PTPRD: variants seen among roughly 807,000 people sequenced by gnomAD.
PTPRD encodes protein tyrosine phosphatase receptor type D.
A neutral mutation model predicts 214.5 loss-of-function variants in PTPRD; 34 were observed. The ratio of observed to expected loss-of-function variants is 0.16; its 90% CI spans 0.12 to 0.21. The LOEUF (loss-of-function observed/expected upper bound fraction) is 0.21, where lower values mean the gene tolerates loss of function less well. Ranked by LOEUF, PTPRD falls within the 10% of genes least tolerant of loss-of-function variation. The probability of loss-of-function intolerance (pLI) is 1.00; values close to 1 mark genes in which losing one functional copy is unlikely to be tolerated. For synonymous variants in PTPRD, 1,128 were observed against 845.7 expected, an observed-to-expected ratio of 1.33 and a Z score of -5.79; for missense variants, 2,545 against 2,398.7, an observed-to-expected ratio of 1.06 and a Z score of -1.27.
intron 2 of PTPRD, among the ~76,000 whole-genome samples, chr9:10,505,856 C>A (rs2045773735): frequency 9.0e-6 from 1 of 110,766 alleles, no homozygotes; most frequent in Non-Finnish European, 1.9e-5. Flanking sequence ...AACACTTTAA[C>A]TTAAATTTTA....
intron 3 of PTPRD, among the ~76,000 whole-genome samples, chr9:10,118,325 T>G (rs1430641586): frequency 2.0e-5 from 3 of 151,580 alleles, no homozygotes; most frequent in African/African-American, 7.2e-5. Flanking sequence ...TGTCTATATA[T>G]TTAATATATT....
chr9:9,094,878 A>G (rs1047425857), intron 10 of PTPRD, among the ~76,000 whole-genome samples: 5 of 152,182 alleles, frequency 3.3e-5, no homozygotes, highest in Admixed American at 3.3e-4. Context: ...ACAGGAAAAT[A>G]AATCTTTAAA....
chr9:9,378,644 A>G (rs78447574), intron 9 of PTPRD, among the ~76,000 whole-genome samples: 3,971 of 152,208 alleles, frequency 0.026, 192 homozygotes, highest in African/African-American at 0.09. Context: ...AATGAAGCAG[A>G]ATTCCTCTTG....
At chr9:10,288,710 G>C (rs1422716610) in intron 3 of PTPRD, among the ~76,000 whole-genome samples, 1 of 152,078 alleles carries the variant, frequency 6.6e-6, no homozygotes, top group Non-Finnish European at 1.5e-5. Context: ...GTATTTAAAA[G>C]CATCTCTGGC....
Position 9,547,132 on chromosome 9 carries a change from A to T in PTPRD, c.-237+27600T>A, listed in dbSNP as rs1238775683. Among the ~76,000 whole-genome samples, 5 of 152,050 alleles carry T rather than the reference A, an allele frequency of 3.3e-5. No homozygotes were observed. In the East Asian group the frequency reaches 9.7e-4, roughly 29 times the overall value. Reference sequence around the variant, plus strand: ...ATTGCACAAATGCCATACCAAACTTACACAAAAATACTTCTACAAGGAAAC... The same window carrying T: ...ATTGCACAAATGCCATACCAAACTTTCACAAAAATACTTCTACAAGGAAAC... On this transcript the variant is annotated intron_variant, in intron 8 of 45. Transcript: ENST00000381196.
At position 8,829,296 on chromosome 9, in the gene PTPRD, C is replaced by T. The variant is rs145654021; in HGVS notation, c.-103-95350G>A. 4.1e-4 allele frequency among the ~76,000 whole-genome samples: 63 copies of T among 152,274 alleles called. No individual in the cohort carries two copies. The East Asian group carries it at 0.012, about 29-fold the overall frequency. ...CTCCTCTTCCCTCACTCCCAGCTCCCTTCCATCCTATGCCAAGGCAATCAC... is the reference window on the plus strand; with the variant it reads ...CTCCTCTTCCCTCACTCCCAGCTCCTTTCCATCCTATGCCAAGGCAATCAC... On this transcript the variant is annotated intron_variant, in intron 11 of 45. Coordinates refer to ENST00000381196, the MANE Select transcript of PTPRD (RefSeq NM_002839.4).
intron 9 of PTPRD, among the ~76,000 whole-genome samples, chr9:9,341,283 C>T (rs1428822425): frequency 6.6e-6 from 1 of 152,106 alleles, no homozygotes; most frequent in Admixed American, 6.6e-5. Flanking sequence ...TGACTCAGGG[C>T]CCTGAGATGA....
intron 2 of PTPRD, among the ~76,000 whole-genome samples, chr9:10,591,315 T>C (rs1028584846): frequency 3.3e-5 from 5 of 152,024 alleles, no homozygotes; most frequent in Non-Finnish European, 1.5e-5. Context: ...AGAATAAAGA[T>C]TAATTTATTT....
At chr9:10,128,158 C>T (rs1396830252) in intron 3 of PTPRD, among the ~76,000 whole-genome samples, 1 of 152,060 alleles carries the variant, frequency 6.6e-6, no homozygotes, top group East Asian at 1.9e-4. Flanking sequence ...CACATGAGTC[C>T]TTTGCTTGAC....
intron 9 of PTPRD, among the ~76,000 whole-genome samples, chr9:9,214,937 A>G (rs1193050168): frequency 6.6e-6 from 1 of 152,186 alleles, no homozygotes; most frequent in Admixed American, 6.5e-5. Context: ...TGGAAGAACT[A>G]GTATTTGAAC....
At position 8,925,899 on chromosome 9, in the gene PTPRD, T is replaced by C. The variant is rs559186183; in HGVS notation, c.-104+92798A>G. On this transcript the variant is annotated intron_variant, in intron 11 of 45. Transcript: ENST00000381196. ...TTTTACTGATCTCTTGCTTTCAAGT[T>C]TGTCCTTATTAATTAAGTACATTTT... 1.6e-4 allele frequency among the ~76,000 whole-genome samples: 23 copies of C among 147,356 alleles called. No individual in the cohort carries two copies. The East Asian group carries it at 4.5e-3, about 29-fold the overall frequency.
intron 2 of PTPRD, among the ~76,000 whole-genome samples, chr9:10,387,555 C>G (rs995943380): frequency 6.6e-6 from 1 of 151,894 alleles, no homozygotes; most frequent in East Asian, 2.0e-4. Context: ...TGGGAAATTA[C>G]ATTGTGGATC....
chr9:10,448,731 G>A (rs910041751), intron 2 of PTPRD, among the ~76,000 whole-genome samples: 9 of 151,918 alleles, frequency 5.9e-5, no homozygotes, highest in Non-Finnish European at 1.3e-4. Context: ...CTAATAACTG[G>A]CAAAGTGGAA....
At chr9:8,610,221 G>C (rs927443512) in intron 14 of PTPRD, among the ~76,000 whole-genome samples, 32 of 152,120 alleles carry the variant, frequency 2.1e-4, no homozygotes, top group African/African-American at 7.7e-4. Context: ...CTATTTCAAA[G>C]AGATAATACT....
At chr9:9,667,578 G>T (rs192540084) in intron 7 of PTPRD, among the ~76,000 whole-genome samples, 1 of 152,134 alleles carries the variant, frequency 6.6e-6, no homozygotes, top group Non-Finnish European at 1.5e-5. Context: ...AACCCTAAAA[G>T]TGAATTCATT....
intron 2 of PTPRD, among the ~76,000 whole-genome samples, chr9:10,387,798 TA>T (rs552150325): frequency 1.5e-3 from 188 of 126,960 alleles, no homozygotes; most frequent in East Asian, 4.6e-3. Context: ...GAATACGATT[TA>T]AAAAAAAAAA....
chr9:8,608,861 T>C (rs148635965), intron 14 of PTPRD, among the ~76,000 whole-genome samples: 104 of 152,266 alleles, frequency 6.8e-4, no homozygotes, highest in African/African-American at 1.9e-3. Flanking sequence ...ATCTCTACAA[T>C]TGGGAAAGGA....
At chr9:9,540,498 AAT>A (rs2077360256) in intron 8 of PTPRD, among the ~76,000 whole-genome samples, 1 of 151,760 alleles carries the variant, frequency 6.6e-6, no homozygotes, top group South Asian at 2.1e-4. Context: ...GAGTACCAAA[AAT>A]GCTACCTAGC....
chr9:9,295,696 A>G (rs1952763280), intron 9 of PTPRD, among the ~76,000 whole-genome samples: 1 of 151,786 alleles, frequency 6.6e-6, no homozygotes, highest in Non-Finnish European at 1.5e-5. Context: ...TCATGACATA[A>G]AATGTAGAAA....
Sources: allele counts gnomAD v4.1 joint callset (sites outside exome capture counted in the v4.1 genomes callset), GRCh38; gene constraint gnomAD v4.1.1; transcripts MANE v1.5; gene names NCBI Gene and HGNC (gene_info 2026-07-23, HGNC 2026-07-21).